Variants in ITGB1 observed in about 807,000 individuals in gnomAD.
ITGB1 encodes the protein integrin beta-1.
A neutral mutation model predicts 86.5 loss-of-function variants in ITGB1; 24 were observed. The ratio of observed to expected loss-of-function variants is 0.28; its 90% CI spans 0.20 to 0.39. The LOEUF (loss-of-function observed/expected upper bound fraction) is 0.39, where lower values mean the gene tolerates loss of function less well. Ranked by LOEUF, ITGB1 falls within the 10% of genes least tolerant of loss-of-function variation. The probability of loss-of-function intolerance (pLI) is 1.00; values close to 1 mark genes in which losing one functional copy is unlikely to be tolerated. For synonymous variants in ITGB1, 323 were observed against 316.8 expected (o/e 1.02, Z -0.21); for missense variants, 556 against 946.9 (o/e 0.59, Z 5.42).
At chr10:32,911,701 G>A in intron 12 of ITGB1, 31 bp from the exon 13 acceptor site, 1 of 1,600,856 alleles carries the variant, frequency 6.2e-7, no homozygotes, top group South Asian at 1.1e-5. Flanking sequence ...TCTCAAAATG[G>A]TAAAAATATA....
rs368788084 is a variant in ITGB1, at chr10:32,911,720, G to A, written c.1709-50C>T. On this transcript the variant is annotated intron_variant, in intron 12 of 15. Coordinates refer to ENST00000302278, the MANE Select transcript of ITGB1 (RefSeq NM_002211.4). Reference sequence around the variant, plus strand: ...AAAATGGTAAAAATATACAATCACAGTATTGACTGAAAAGTAAAATAAGCA... The same window carrying A: ...AAAATGGTAAAAATATACAATCACAATATTGACTGAAAAGTAAAATAAGCA... 2.4e-5 allele frequency: 38 copies of A among 1,580,332 alleles called. No individual in the cohort carries two copies. The African/African-American group carries it at 4.6e-4, about 19-fold the overall frequency.
At chr10:32,914,119 G>A (rs576145020) in intron 11 of ITGB1, among the ~76,000 whole-genome samples, 108 of 152,312 alleles carry the variant, frequency 7.1e-4, no homozygotes, top group African/African-American at 2.4e-3. Context: ...AATGCTGAGA[G>A]ATTGTGTCAC....
intron 1 of ITGB1, among the ~76,000 whole-genome samples, chr10:32,939,735 AG>A (rs2095013529): frequency 9.2e-6 from 1 of 108,342 alleles, no homozygotes. Context: ...TGAGTGAGTG[AG>A]TGAGTGAGTG....
chr10:32,932,446 A>G (rs764869449), intron 3 of ITGB1, 69 bp downstream of exon 3: 61 of 824,446 alleles, frequency 7.4e-5, no homozygotes, highest in Admixed American at 1.6e-4. Flanking sequence ...GTGCTTCTGA[A>G]GGATACAGCA....
chr10:32,912,903 C>T (rs561790210), intron 11 of ITGB1, among the ~76,000 whole-genome samples: 3 of 152,346 alleles, frequency 2.0e-5, no homozygotes, highest in African/African-American at 7.2e-5. Context: ...AACTGGGAGA[C>T]ACCTCCTAGT....
At chr10:32,908,887 T>A (rs760562845) in intron 14 of ITGB1, among the ~76,000 whole-genome samples, 4 of 152,178 alleles carry the variant, frequency 2.6e-5, no homozygotes, top group African/African-American at 4.8e-5. Flanking sequence ...AAGAAATCTT[T>A]CAGACTGAAT....
intron 1 of ITGB1, among the ~76,000 whole-genome samples, chr10:32,937,521 A>T (rs1404813158): frequency 7.2e-6 from 1 of 138,570 alleles, no homozygotes; most frequent in Non-Finnish European, 1.5e-5. Flanking sequence ...GCGCCACTGT[A>T]CTCTAGCCTG....
chr10:32,901,692 A>G (rs1371630114), intron 15 of ITGB1, 57 bp from the exon 16 acceptor site: 2 of 1,103,912 alleles, frequency 1.8e-6, no homozygotes, highest in Non-Finnish European at 2.7e-6. Flanking sequence ...ATTATGTAGA[A>G]TAATTTTTAT....
chr10:32,942,191 G>A (rs1320645074), intron 1 of ITGB1, among the ~76,000 whole-genome samples: 2 of 152,210 alleles, frequency 1.3e-5, no homozygotes, highest in Admixed American at 6.5e-5. Flanking sequence ...GCAGCCCAAG[G>A]GGGTGGATCA....
rs1415093753 is a variant in ITGB1 at position 32,954,343 on chromosome 10, T to A, written c.-1+3802A>T. 2.0e-5 allele frequency among the ~76,000 whole-genome samples: 3 copies of A among 152,110 alleles called. No homozygotes were observed. The East Asian group carries it at 5.8e-4, about 29-fold the overall frequency. Reference sequence around the variant, plus strand: ...AGCCAGAAACCAGTGTCACACTGGGTTTCTTTTATTTCTCTTATCAAGTCT... The same window carrying A: ...AGCCAGAAACCAGTGTCACACTGGGATTCTTTTATTTCTCTTATCAAGTCT... On this transcript the variant is annotated intron_variant, in intron 1 of 15. Transcript: ENST00000302278.
intron 1 of ITGB1, chr10:32,951,740 C>T (rs976601750): frequency 6.6e-5 from 10 of 152,112 alleles, no homozygotes; most frequent in African/African-American, 1.9e-4. Context: ...TCTATGCCTG[C>T]GGACTTTTTT....
intron 11 of ITGB1, among the ~76,000 whole-genome samples, chr10:32,919,642 T>C (rs886699471): frequency 1.3e-5 from 2 of 152,208 alleles, no homozygotes; most frequent in Admixed American, 1.3e-4. Context: ...TTGAATATAC[T>C]TCTTTCATGG....
intron 13 of ITGB1, 118 bp downstream of exon 13, chr10:32,911,330 C>T (rs2094912554): frequency 3.7e-6 from 3 of 818,988 alleles, no homozygotes; most frequent in East Asian, 5.3e-5. Context: ...TTCCACATGG[C>T]AGGCATTTTA....
chr10:32,917,380 GA>G (rs1206566302), intron 11 of ITGB1, among the ~76,000 whole-genome samples: 69 of 152,266 alleles, frequency 4.5e-4, no homozygotes, highest in Non-Finnish European at 1.3e-4. Context: ...CACAGCAAAA[GA>G]AACTGCCATC....
chr10:32,927,346 G>A (rs572213408), intron 5 of ITGB1, among the ~76,000 whole-genome samples: 1 of 152,192 alleles, frequency 6.6e-6, no homozygotes, highest in South Asian at 2.1e-4. Flanking sequence ...GGTTAAGCTG[G>A]GGATGCATGA....
rs151175196 is a variant in ITGB1, at chr10:32,919,929, G to A, written c.1425C>T (p.Pro475=). ...ATGTCCCATTTCCTTCATGACACTT[G>A]GGACTTTCAGGGATGCCTTCGCTTT... ...ECQSEGIPES[P]KCHEGNGTFE... is the part of the protein sequence containing the mutation. The change falls in exon 11 of 16, where the codon CCC becomes CCT. Residue 475 remains proline (P), a synonymous_variant. Transcript: ENST00000302278. 183 of 1,614,062 alleles carry A rather than the reference G, an allele frequency of 1.1e-4. No individual in the cohort carries two copies. The highest frequency in any genetic ancestry group is 8.5e-4 in the Admixed American group (51 of 60,014).
At chr10:32,940,904 T>C (rs1007536458) in intron 1 of ITGB1, among the ~76,000 whole-genome samples, 2 of 152,224 alleles carry the variant, frequency 1.3e-5, no homozygotes, top group African/African-American at 4.8e-5. Context: ...AGGTTCCTCT[T>C]CAGACAACTC....
intron 1 of ITGB1, among the ~76,000 whole-genome samples, chr10:32,942,683 C>CTCT (rs1262135086): frequency 1.9e-3 from 170 of 91,134 alleles, no homozygotes; most frequent in Middle Eastern, 0.01. Context: ...CTCTCTCTCT[C>CTCT]TTTTTTTTTT....
intron 1 of ITGB1, among the ~76,000 whole-genome samples, chr10:32,950,478 T>C (rs867813798): frequency 6.6e-6 from 1 of 152,106 alleles, no homozygotes; most frequent in African/African-American, 2.4e-5. Flanking sequence ...AAGAGGTGTG[T>C]TGGTCACTAC....
Sources: allele counts gnomAD v4.1 joint callset (sites outside exome capture counted in the v4.1 genomes callset), GRCh38; gene constraint gnomAD v4.1.1; transcripts MANE v1.5; gene names NCBI Gene and HGNC (gene_info 2026-07-23, HGNC 2026-07-21).